CETN3: variants seen among roughly 807,000 people sequenced by gnomAD.
CETN3 encodes centrin-3.
A neutral mutation model predicts 20.1 loss-of-function variants in CETN3; 17 were observed. The ratio of observed to expected loss-of-function variants is 0.85; its 90% confidence interval spans 0.58 to 1.27. CETN3 has a LOEUF of 1.27. Among genes scored for constraint, CETN3 ranks in the 50% most tolerant of loss-of-function variants. The pLI, the probability that CETN3 is intolerant of heterozygous loss-of-function variation, is 0.00. For missense variants in CETN3, 169 were observed against 191.2 expected (o/e 0.88, Z 0.69); for synonymous variants, 52 against 59.7 (o/e 0.87, Z 0.59).
At chr5:90,407,857 C>A in intron 1 of CETN3, 23 bp from the exon 2 acceptor site, 3 of 1,541,258 alleles carry the variant, frequency 1.9e-6, no homozygotes, top group South Asian at 1.3e-5. Context: ...AAGAAAAAGC[C>A]CTTAGTCCAC....
At chr5:90,399,231 A>C in intron 4 of CETN3, 127 bp downstream of exon 4, 1 of 729,740 alleles carries the variant, frequency 1.4e-6, no homozygotes, top group Non-Finnish European at 2.3e-6. Context: ...AATTATTTAG[A>C]CAGAAGGTCC....
Position 90,409,707 on chromosome 5 carries a change from C to T in CETN3, c.-46G>A, listed in dbSNP as rs1402613852. On this transcript the variant is annotated 5_prime_UTR_variant, in exon 1 of 5. Transcript: ENST00000283122. ...TTCCTCTCAAGAACGATTTTAACCC[C>T]CTACCCAAGGCAGCAAGACGCCCAC... 6.2e-7 allele frequency: 1 copy of T among 1,613,774 alleles called. No homozygotes were observed. The highest frequency in any genetic ancestry group is 1.6e-4 in the Middle Eastern group (1 of 6,062).
At chr5:90,408,901 T>C (rs141320765) in intron 1 of CETN3, among the ~76,000 whole-genome samples, 166 of 151,320 alleles carry the variant, frequency 1.1e-3, no homozygotes, top group African/African-American at 3.9e-3. Context: ...CAAACTTGGG[T>C]ATTCCTGGGG....
intron 1 of CETN3, among the ~76,000 whole-genome samples, chr5:90,408,054 G>A (rs559690131): frequency 6.6e-6 from 1 of 152,188 alleles, no homozygotes; most frequent in African/African-American, 2.4e-5. Flanking sequence ...TAAAAGAAAT[G>A]AGGACCAAAC....
rs751560091 is a variant in CETN3 at position 90,393,324 on chromosome 5, C to CA, written c.*739dup. Reference sequence around the variant, plus strand: ...TCAAAATTCCAAAATTTAAATCTCTCAGTCAAGAAGTTAGAAAATTCAAAT... The same window carrying CA: ...TCAAAATTCCAAAATTTAAATCTCTCAAGTCAAGAAGTTAGAAAATTCAAAT... On this transcript the variant is annotated 3_prime_UTR_variant, in exon 5 of 5. Transcript: ENST00000283122. 4 of 152,150 alleles carry CA rather than the reference C, an allele frequency of 2.6e-5. No individual in the cohort carries two copies. Among genetic ancestry groups the CA allele is most frequent in the Non-Finnish European group, 5.9e-5 (4 of 68,026 alleles). The allele number at this position is 152,150 out of a possible 1,614,324, so 9.4% of individuals were successfully genotyped here.
intron 3 of CETN3, among the ~76,000 whole-genome samples, chr5:90,401,168 T>G (rs1749279201): frequency 6.6e-6 from 1 of 152,166 alleles, no homozygotes; most frequent in African/African-American, 2.4e-5. Flanking sequence ...GTTAGTTATT[T>G]CAGAGCTATG....
chr5:90,396,813 A>C (rs1388793369), intron 4 of CETN3, among the ~76,000 whole-genome samples: 2 of 152,162 alleles, frequency 1.3e-5, no homozygotes, highest in Admixed American at 1.3e-4. Flanking sequence ...TTAAACTATA[A>C]TAGCATTTCA....
rs1176444056 is a variant in CETN3, at chr5:90,394,061, TC to T, written c.*2del. 6.5e-6 allele frequency: 10 copies of T among 1,534,264 alleles called. No individual in the cohort carries two copies. The highest frequency in any genetic ancestry group is 9.0e-6 in the Non-Finnish European group (10 of 1,116,410). On this transcript the variant is annotated 3_prime_UTR_variant, in exon 5 of 5. Coordinates refer to ENST00000283122, the MANE Select transcript of CETN3 (RefSeq NM_004365.4). Reference sequence around the variant, plus strand: ...CATTCTTAGTGTTTATCCTTGTAATTCTTTAAATGTCACCAGTCATAATAGC... The same window carrying T: ...CATTCTTAGTGTTTATCCTTGTAATTTTTAAATGTCACCAGTCATAATAGC...
At chr5:90,397,431 CTTCT>C (rs1161795367) in intron 4 of CETN3, among the ~76,000 whole-genome samples, 2 of 151,976 alleles carry the variant, frequency 1.3e-5, no homozygotes, top group South Asian at 2.1e-4. Flanking sequence ...TTTATACTGC[CTTCT>C]TTAACAAAAT....
chr5:90,392,492 C>T lies in CETN3; in HGVS notation c.*1572G>A, dbSNP rs1242011899. The T allele has an allele frequency of 6.6e-6, 1 of 152,002 alleles. No individual in the cohort carries two copies. The highest frequency in any genetic ancestry group is 2.4e-5 in the African/African-American group (1 of 41,390). 9.4% of individuals were successfully genotyped at this position (152,002 alleles called of 1,614,324 possible). ...TCAAATATCATGTTGAATTGTAATC[C>T]CCAGTACTGGAGGTGAGGTCTGGTG... On this transcript the variant is annotated 3_prime_UTR_variant, in exon 5 of 5. Transcript: ENST00000283122.
chr5:90,403,321 A>G (rs116437486), intron 3 of CETN3, among the ~76,000 whole-genome samples: 1,603 of 152,294 alleles, frequency 0.011, 34 homozygotes, highest in African/African-American at 0.036. Flanking sequence ...GGGGTAATAC[A>G]TAGTTCCTGA....
chr5:90,406,534 G>C (rs1181463479), intron 2 of CETN3, among the ~76,000 whole-genome samples: 1 of 151,670 alleles, frequency 6.6e-6, no homozygotes, highest in Admixed American at 6.6e-5. Context: ...AAGAGTTCAG[G>C]AGGAAGAAAG....
intron 3 of CETN3, among the ~76,000 whole-genome samples, chr5:90,401,398 C>T (rs1749286184): frequency 6.6e-6 from 1 of 152,014 alleles, no homozygotes; most frequent in Admixed American, 6.6e-5. Context: ...GATATAGAGG[C>T]AGTTAAGGTG....
At chr5:90,401,287 A>G (rs1463450965) in intron 3 of CETN3, among the ~76,000 whole-genome samples, 2 of 152,210 alleles carry the variant, frequency 1.3e-5, no homozygotes, top group East Asian at 3.8e-4. Context: ...ATATAACTTT[A>G]TAATGACTCT....
At chr5:90,401,990 A>C (rs1749302775) in intron 3 of CETN3, among the ~76,000 whole-genome samples, 1 of 152,126 alleles carries the variant, frequency 6.6e-6, no homozygotes, top group African/African-American at 2.4e-5. Flanking sequence ...CTGGGACTAC[A>C]GGCATGTGCC....
chr5:90,408,010 GAACTTCGCAA>G (rs1387762910), intron 1 of CETN3, among the ~76,000 whole-genome samples, 176 bp from the exon 2 acceptor site: 2 of 152,064 alleles, frequency 1.3e-5, no homozygotes, highest in Non-Finnish European at 2.9e-5. Flanking sequence ...CTATAAATCT[GAACTTCGCAA>G]AACTAAAGAG....
intron 4 of CETN3, among the ~76,000 whole-genome samples, chr5:90,398,335 C>A (rs1261460440): frequency 6.6e-6 from 1 of 152,074 alleles, no homozygotes; most frequent in African/African-American, 2.4e-5. Context: ...TAGTTTCCAG[C>A]CAAAAGATTC....
rs1749075772 is a variant in CETN3, at chr5:90,393,919, G to A, written c.*145C>T. ...ACAGTTCATACAAAGAAACTTAACA[G>A]TAGTAAAATACAGATATATAAGATG... On this transcript the variant is annotated 3_prime_UTR_variant, in exon 5 of 5. Transcript: ENST00000283122. 1.7e-6 allele frequency: 1 copy of A among 599,716 alleles called. No individual in the cohort carries two copies. Among genetic ancestry groups the A allele is most frequent in the Non-Finnish European group, 2.9e-6 (1 of 340,502 alleles). 37.1% of individuals were successfully genotyped at this position (599,716 alleles called of 1,614,324 possible).
intron 2 of CETN3, among the ~76,000 whole-genome samples, chr5:90,406,356 G>C (rs998893014): frequency 1.3e-5 from 2 of 151,900 alleles, no homozygotes; most frequent in East Asian, 1.9e-4. Context: ...AAGGATAGAT[G>C]AAGAGGAGCA....
Sources: gnomAD v4.1 joint callset for allele counts (sites outside exome capture counted in the v4.1 genomes callset) on GRCh38, gnomAD v4.1.1 for gene constraint, MANE v1.5 for transcripts, NCBI Gene and HGNC (gene_info 2026-07-23, HGNC 2026-07-21) for gene names.